Variants in FAR2 observed in about 807,000 individuals in gnomAD.
FAR2 encodes the protein fatty acyl-CoA reductase 2.
FAR2 carries 19 observed loss-of-function variants against 56.0 expected under a neutral mutation model. The observed-to-expected ratio is 0.34, with a 90% CI of 0.24 to 0.50. FAR2 has a LOEUF of 0.50. Among genes scored for constraint, FAR2 ranks in the 20% least tolerant of loss-of-function variants. The pLI is 0.98. For synonymous variants in FAR2, 219 were observed against 218.8 expected (o/e 1.00, Z -0.01); for missense variants, 508 against 642.2 (o/e 0.79, Z 2.26).
chr12:29,185,303 C>A (rs2136601504), intron 1 of FAR2, among the ~76,000 whole-genome samples: 1 of 152,304 alleles, frequency 6.6e-6, no homozygotes, highest in East Asian at 1.9e-4. Context: ...AGAAAACTAT[C>A]CTGTCCTCTG....
chr12:29,329,385 A>C (rs1194439700), intron 10 of FAR2, among the ~76,000 whole-genome samples: 1 of 152,210 alleles, frequency 6.6e-6, no homozygotes, highest in Non-Finnish European at 1.5e-5. Context: ...TTAACCTTTC[A>C]AAATTTTATG....
In FAR2 at chr12:29,321,816, G is replaced by C. The variant is rs757181227; in HGVS notation, c.1149G>C (p.Arg383=). 6.2e-7 allele frequency: 1 copy of C among 1,613,528 alleles called. No homozygotes were observed. The highest frequency in any genetic ancestry group is 8.5e-7 in the Non-Finnish European group (1 of 1,179,582). Reference sequence around the variant, plus strand: ...TCAGGATGACAAAGCTCATGAATCGGCTTTTAAGAACTGTTTCCATGTTGG... The same window carrying C: ...TCAGGATGACAAAGCTCATGAATCGCCTTTTAAGAACTGTTTCCATGTTGG... ...RKPRMTKLMN[R]LLRTVSMLEY... The change falls in exon 10 of 12, where the codon CGG becomes CGC. Residue 383 remains arginine (R), a synonymous_variant. Coordinates refer to ENST00000536681, the MANE Select transcript of FAR2 (RefSeq NM_001271783.2).
intron 1 of FAR2, among the ~76,000 whole-genome samples, chr12:29,250,130 T>C (rs962010675): frequency 7.5e-5 from 11 of 146,302 alleles, no homozygotes; most frequent in African/African-American, 2.6e-4. Flanking sequence ...TGCTGGTTAG[T>C]GTGTGACGGC....
intron 10 of FAR2, among the ~76,000 whole-genome samples, chr12:29,325,708 C>T (rs1415240906): frequency 1.3e-5 from 2 of 152,076 alleles, no homozygotes; most frequent in Non-Finnish European, 2.9e-5. Flanking sequence ...CCAACGAGAA[C>T]AAAGACACAA....
chr12:29,211,001 C>T (rs1180389131), intron 1 of FAR2, among the ~76,000 whole-genome samples: 1 of 151,510 alleles, frequency 6.6e-6, no homozygotes, highest in Non-Finnish European at 1.5e-5. Context: ...TACTTTCATG[C>T]CTATAGTGTG....
chr12:29,240,220 A>T (rs1240897465), intron 1 of FAR2, among the ~76,000 whole-genome samples: 1 of 152,214 alleles, frequency 6.6e-6, no homozygotes, highest in Non-Finnish European at 1.5e-5. Context: ...TCCCTTTAGT[A>T]AGCAAAAACA....
At chr12:29,233,634 A>T (rs1413391890) in intron 1 of FAR2, among the ~76,000 whole-genome samples, 2 of 152,202 alleles carry the variant, frequency 1.3e-5, no homozygotes, top group Non-Finnish European at 2.9e-5. Flanking sequence ...TTGCATTTGC[A>T]TGTTTCTCTT....
intron 1 of FAR2, among the ~76,000 whole-genome samples, chr12:29,220,839 A>G (rs932812000): frequency 1.3e-5 from 2 of 152,136 alleles, no homozygotes; most frequent in East Asian, 3.9e-4. Context: ...GAAGTAAAGT[A>G]CACTTGGAAG....
At chr12:29,282,938 G>C (rs1948810090) in intron 2 of FAR2, among the ~76,000 whole-genome samples, 1 of 152,094 alleles carries the variant, frequency 6.6e-6, no homozygotes, top group African/African-American at 2.4e-5. Context: ...CACTTAAAGG[G>C]ACATACCAGT....
At chr12:29,225,391 T>C (rs1947750396) in intron 1 of FAR2, among the ~76,000 whole-genome samples, 1 of 152,192 alleles carries the variant, frequency 6.6e-6, no homozygotes, top group Non-Finnish European at 1.5e-5. Context: ...GGATAATACA[T>C]GTGAAGCCCC....
At chr12:29,195,470 A>G (rs1247164708) in intron 1 of FAR2, among the ~76,000 whole-genome samples, 1 of 152,220 alleles carries the variant, frequency 6.6e-6, no homozygotes, top group Non-Finnish European at 1.5e-5. Flanking sequence ...TGGTAACAGC[A>G]GAGAAAATTC....
chr12:29,297,058 C>T lies in FAR2; in HGVS notation c.403C>T (p.Leu135Phe). 1 of 1,610,834 alleles carries T rather than the reference C, an allele frequency of 6.2e-7. No homozygotes were observed. The highest frequency in any genetic ancestry group is 2.2e-5 in the East Asian group (1 of 44,826). ...ACTTAACGTCACTGCCACCCGGCAG[C>T]TCTTGCTTATGGCTAGTCAGATGCC... ...VQLNVTATRQLLLMASQMPKL... is the reference protein window; with the variant it reads ...VQLNVTATRQFLLMASQMPKL... The change falls in exon 4 of 12, where the codon CTC becomes TTC. Residue 135 changes from leucine to phenylalanine, a missense_variant. Coordinates refer to ENST00000536681, the MANE Select transcript of FAR2 (RefSeq NM_001271783.2).
intron 10 of FAR2, among the ~76,000 whole-genome samples, chr12:29,331,210 CT>C (rs34349053): frequency 0.13 from 17,853 of 141,942 alleles, 1,275 homozygotes; most frequent in African/African-American, 0.22. Flanking sequence ...TAAAGATAGG[CT>C]TTTTTTTTTT....
intron 10 of FAR2, among the ~76,000 whole-genome samples, chr12:29,325,751 G>C (rs1591973089): frequency 6.6e-6 from 1 of 152,212 alleles, no homozygotes; most frequent in Non-Finnish European, 1.5e-5. Flanking sequence ...ATTCAAAGCA[G>C]TGTGTAGAGG....
intron 1 of FAR2, among the ~76,000 whole-genome samples, chr12:29,159,366 A>G (rs1027149999): frequency 1.3e-5 from 2 of 151,990 alleles, no homozygotes; most frequent in East Asian, 1.9e-4. Context: ...GTGAAACCCC[A>G]TCTCTACGAA....
chr12:29,199,746 G>A lies in FAR2; in HGVS notation c.-39+50339G>A, dbSNP rs190713900. 8.2e-4 allele frequency among the ~76,000 whole-genome samples: 125 copies of A among 152,232 alleles called. 1 individual carries two copies. Among genetic ancestry groups the A allele is most frequent in the Middle Eastern group, 3.4e-3 (1 of 292 alleles). On this transcript the variant is annotated intron_variant, in intron 1 of 11. Transcript: ENST00000536681. ...GCACTTGCGGTAAGAATGTGGAAGC[G>A]ACACACGTGAAAGAGGTTGACTGAG...
At chr12:29,265,845 A>G (rs1948506993) in intron 1 of FAR2, among the ~76,000 whole-genome samples, 1 of 152,170 alleles carries the variant, frequency 6.6e-6, no homozygotes, top group Non-Finnish European at 1.5e-5. Flanking sequence ...CTACTTAAAA[A>G]TGGGTAAAAG....
rs1162861116 is a variant in FAR2, at chr12:29,274,947, C to T, written c.189+4309C>T. Among the ~76,000 whole-genome samples, 9 of 144,360 alleles carry T rather than the reference C, an allele frequency of 6.2e-5. No individual in the cohort carries two copies. In the East Asian group the frequency reaches 6.8e-4, roughly 11 times the overall value. 94.7% of individuals were successfully genotyped at this position (144,360 alleles called of 152,430 possible). The stretch of plus-strand genomic sequence containing the variant: ...CTGTTTGGTGGTCTCCTCAAATGGA[C>T]GCGCATGAAATTTGGTGCCGTGACT... On this transcript the variant is annotated intron_variant, in intron 2 of 11. Transcript: ENST00000536681.
rs192325974 is a variant in FAR2, at chr12:29,215,117, T to C, written c.-38-55295T>C. Among the ~76,000 whole-genome samples the C allele has an allele frequency of 9.3e-4, 142 of 152,214 alleles. 1 individual carries two copies. The highest frequency in any genetic ancestry group is 3.3e-3 in the African/African-American group (138 of 41,546). ...AGAAAAATTATTAAAGGACCTACAG[T>C]GTAGTCATGAGAGAGAAATGGATAT... On this transcript the variant is annotated intron_variant, in intron 1 of 11. Transcript: ENST00000536681.
Sources: allele counts gnomAD v4.1 joint callset (sites outside exome capture counted in the v4.1 genomes callset), GRCh38; gene constraint gnomAD v4.1.1; transcripts MANE v1.5; gene names NCBI Gene and HGNC (gene_info 2026-07-23, HGNC 2026-07-21).